The following HPSE2 variants were observed in gnomAD, a reference collection of about 807,000 sequenced individuals.
The protein encoded by HPSE2 is heparanase 2 (inactive), also known as inactive heparanase-2.
A neutral mutation model predicts 60.5 loss-of-function variants in HPSE2; 38 were observed. The ratio of observed to expected loss-of-function variants is 0.63; its 90% CI spans 0.48 to 0.82. HPSE2 has a LOEUF of 0.82. Ranked by LOEUF, HPSE2 falls within the 40% of genes least tolerant of loss-of-function variation. The pLI is 0.00. For synonymous variants in HPSE2, 295 were observed against 293.2 expected, an observed-to-expected ratio of 1.01 and a Z score of -0.06; for missense variants, 713 against 740.4, an observed-to-expected ratio of 0.96 and a Z score of 0.43.
intron 3 of HPSE2, among the ~76,000 whole-genome samples, chr10:99,043,805 A>G (rs1461339130): frequency 1.3e-5 from 2 of 152,210 alleles, no homozygotes; most frequent in African/African-American, 4.8e-5. Flanking sequence ...CAACCCAATC[A>G]GATAAAAATA....
At chr10:99,208,025 AT>A (rs1417592098) in intron 2 of HPSE2, among the ~76,000 whole-genome samples, 1 of 148,634 alleles carries the variant, frequency 6.7e-6, no homozygotes, top group Non-Finnish European at 1.5e-5. Flanking sequence ...TAGTATAATT[AT>A]ATTATAATAT....
chr10:99,218,472 CA>C (rs1479254434), intron 2 of HPSE2, among the ~76,000 whole-genome samples: 1 of 152,054 alleles, frequency 6.6e-6, no homozygotes, highest in Non-Finnish European at 1.5e-5. Flanking sequence ...CCTGAGTTTT[CA>C]ATCGTTCTGT....
intron 6 of HPSE2, among the ~76,000 whole-genome samples, chr10:98,685,060 T>C (rs756551642): frequency 5.3e-5 from 8 of 152,146 alleles, no homozygotes; most frequent in Non-Finnish European, 1.0e-4. Context: ...GGGAACATCA[T>C]CTATCCTCTA....
At chr10:98,542,646 G>A (rs1432346588) in intron 9 of HPSE2, among the ~76,000 whole-genome samples, 20 of 151,838 alleles carry the variant, frequency 1.3e-4, no homozygotes, top group Admixed American at 2.6e-4. Flanking sequence ...AGCTGATGGA[G>A]CTGAAAACCA....
the HPSE2 span, among the ~76,000 whole-genome samples, chr10:99,249,577 G>A: frequency 4.6e-5 from 7 of 152,286 alleles, no homozygotes; most frequent in East Asian, 1.4e-3. Context: ...TTGGACTGTG[G>A]ACTTTTGAAT....
chr10:98,648,945 C>G (rs554675307), intron 6 of HPSE2, among the ~76,000 whole-genome samples: 3 of 152,000 alleles, frequency 2.0e-5, no homozygotes, highest in East Asian at 1.9e-4. Flanking sequence ...ATTCCCTTAC[C>G]CCTTACCACC....
chr10:99,062,078 C>T (rs1842463133), intron 3 of HPSE2, among the ~76,000 whole-genome samples: 1 of 152,142 alleles, frequency 6.6e-6, no homozygotes, highest in African/African-American at 2.4e-5. Flanking sequence ...GGTTCTGCTT[C>T]AACTGGCCAG....
chr10:98,602,427 GT>G (rs1209324422), intron 9 of HPSE2, among the ~76,000 whole-genome samples: 1 of 152,146 alleles, frequency 6.6e-6, no homozygotes, highest in Non-Finnish European at 1.5e-5. Flanking sequence ...GTGAGCAGCT[GT>G]CACACCACTC....
intron 3 of HPSE2, among the ~76,000 whole-genome samples, chr10:98,942,255 C>G (rs1955030834): frequency 7.0e-6 from 1 of 142,650 alleles, no homozygotes; most frequent in Admixed American, 7.0e-5. Context: ...TCAAGAGCTT[C>G]TGCACAGCAA....
At chr10:98,624,969 G>A (rs1406553897) in intron 7 of HPSE2, among the ~76,000 whole-genome samples, 2 of 152,220 alleles carry the variant, frequency 1.3e-5, no homozygotes, top group East Asian at 3.8e-4. Flanking sequence ...TTCGATCCAA[G>A]TAAGAAATTC....
intron 3 of HPSE2, among the ~76,000 whole-genome samples, chr10:98,989,298 A>G (rs973838138): frequency 5.3e-5 from 8 of 152,244 alleles, no homozygotes; most frequent in African/African-American, 1.2e-4. Context: ...CATATACACC[A>G]TCGAATACTA....
At chr10:99,297,392 T>C in the HPSE2 span, among the ~76,000 whole-genome samples, 357 of 152,348 alleles carry the variant, frequency 2.3e-3, 1 homozygote, top group African/African-American at 8.1e-3. Flanking sequence ...AGGTGACTGT[T>C]CCTTCTGCCC....
At chr10:99,066,707 G>A (rs1007468469) in intron 3 of HPSE2, among the ~76,000 whole-genome samples, 2 of 152,098 alleles carry the variant, frequency 1.3e-5, no homozygotes, top group African/African-American at 4.8e-5. Context: ...TTGACACACG[G>A]GGATTATCAC....
At chr10:99,182,829 T>C (rs938374066) in intron 2 of HPSE2, among the ~76,000 whole-genome samples, 1 of 151,932 alleles carries the variant, frequency 6.6e-6, no homozygotes, top group Non-Finnish European at 1.5e-5. Flanking sequence ...ACCCTGTCTC[T>C]ACTAAAAATA....
At chr10:99,037,220 A>G (rs1295376913) in intron 3 of HPSE2, among the ~76,000 whole-genome samples, 1 of 152,178 alleles carries the variant, frequency 6.6e-6, no homozygotes, top group Non-Finnish European at 1.5e-5. Context: ...GAGACTAAGG[A>G]AATATGACAA....
At chr10:98,746,112 C>T (rs1040399518) in intron 3 of HPSE2, among the ~76,000 whole-genome samples, 1 of 144,316 alleles carries the variant, frequency 6.9e-6, no homozygotes, top group Non-Finnish European at 1.5e-5. Context: ...GAAATAAAAT[C>T]GATGTCAACT....
chr10:98,698,122 G>C (rs1306839310), intron 5 of HPSE2, among the ~76,000 whole-genome samples: 1 of 140,060 alleles, frequency 7.1e-6, no homozygotes, highest in African/African-American at 2.6e-5. Context: ...ATTGAACTCA[G>C]CTCTGCACCA....
chr10:98,500,046 T>C (rs557357432), intron 9 of HPSE2, among the ~76,000 whole-genome samples: 4 of 152,108 alleles, frequency 2.6e-5, no homozygotes, highest in African/African-American at 7.2e-5. Flanking sequence ...ACCTAAGAAA[T>C]AAGATAGACA....
At chr10:98,509,419 G>A (rs1178531410) in intron 9 of HPSE2, among the ~76,000 whole-genome samples, 2 of 152,184 alleles carry the variant, frequency 1.3e-5, no homozygotes, top group Non-Finnish European at 2.9e-5. Flanking sequence ...AGAGGTTTGG[G>A]AGATATTTAA....
Sources: gnomAD v4.1 joint callset for allele counts (sites outside exome capture counted in the v4.1 genomes callset) on GRCh38, gnomAD v4.1.1 for gene constraint, MANE v1.5 for transcripts, NCBI Gene and HGNC (gene_info 2026-07-23, HGNC 2026-07-21) for gene names.